Variants in ABCC9 observed in about 807,000 individuals in gnomAD.
ABCC9 encodes ATP-binding cassette sub-family C member 9.
Under a neutral mutation model 188.3 loss-of-function variants are expected in ABCC9, and 95 were observed. That is an observed-to-expected ratio of 0.50 (90% CI 0.43 to 0.60). The LOEUF (loss-of-function observed/expected upper bound fraction) is 0.60. Ranked by LOEUF, ABCC9 falls within the 20% of genes least tolerant of loss-of-function variation. The pLI is 0.00. For missense variants in ABCC9, 1,102 were observed against 1,876.3 expected, an observed-to-expected ratio of 0.59 and a Z score of 7.62; for synonymous variants, 659 against 652.7, an observed-to-expected ratio of 1.01 and a Z score of -0.15.
At chr12:21,922,936 C>T (rs1948889086) in intron 5 of ABCC9, 1 of 151,208 alleles carries the variant, frequency 6.6e-6, no homozygotes, top group South Asian at 2.1e-4. Context: ...TCTATGAATA[C>T]ATCAAAGAAA....
intron 5 of ABCC9, chr12:21,925,709 A>G (rs1027622097): frequency 3.2e-6 from 2 of 618,002 alleles, no homozygotes; most frequent in South Asian, 2.0e-5. Context: ...GAGAGCATTT[A>G]TTGCAGAAGA....
intron 31 of ABCC9, among the ~76,000 whole-genome samples, chr12:21,821,995 T>G (rs947107977): frequency 6.6e-6 from 1 of 152,122 alleles, no homozygotes; most frequent in Non-Finnish European, 1.5e-5. Flanking sequence ...ATGCTCAAAT[T>G]CATATATTAA....
At chr12:21,801,274 A>G (rs2137080887) in intron 39 of ABCC9, 93 bp from the exon 40 acceptor site, 3 of 1,538,652 alleles carry the variant, frequency 1.9e-6, no homozygotes, top group Non-Finnish European at 1.8e-6. Context: ...ATTCTGGGAC[A>G]TTTGTTTATC....
intron 39 of ABCC9, chr12:21,805,269 A>T (rs765973007): frequency 1.2e-6 from 2 of 1,614,076 alleles, no homozygotes; most frequent in Admixed American, 1.7e-5. Context: ...CCCTCAGAAA[A>T]GACTAAAACA....
chr12:21,903,304 C>A (rs1170346447), intron 12 of ABCC9, among the ~76,000 whole-genome samples: 1 of 152,130 alleles, frequency 6.6e-6, no homozygotes, highest in Non-Finnish European at 1.5e-5. Flanking sequence ...CTATTTATGA[C>A]AAACCCACAG....
intron 18 of ABCC9, among the ~76,000 whole-genome samples, chr12:21,869,333 C>A (rs180978696): frequency 2.0e-5 from 3 of 152,322 alleles, no homozygotes; most frequent in African/African-American, 7.2e-5. Flanking sequence ...TACCATGTTA[C>A]ATCAAACTAC....
chr12:21,844,379 C>G, intron 28 of ABCC9, 104 bp downstream of exon 28: 1 of 976,114 alleles, frequency 1.0e-6, no homozygotes, highest in Admixed American at 1.9e-5. Flanking sequence ...ATTTAAATTT[C>G]AGAAATCCTC....
intron 25 of ABCC9, 92 bp from the exon 26 acceptor site, chr12:21,845,924 ATTTATAAAAATGTAAGC>A (rs1219139343): frequency 1.0e-6 from 1 of 962,412 alleles, no homozygotes; most frequent in Non-Finnish European, 1.6e-6. Flanking sequence ...ACATTCATAC[ATTTATAAAAATGTAAGC>A]ATTAGTATTG....
At chr12:21,825,128 A>G (rs966332895) in intron 31 of ABCC9, among the ~76,000 whole-genome samples, 1 of 152,220 alleles carries the variant, frequency 6.6e-6, no homozygotes, top group Admixed American at 6.5e-5. Context: ...GCAATCATTA[A>G]AAAGTCAGGA....
rs1945017582 is a variant in ABCC9 at position 21,852,445 on chromosome 12, A to G, written c.2566T>C (p.Leu856=). The change falls in exon 23 of 40, where the codon TTG becomes CTG. Residue 856 remains leucine (L), a synonymous_variant. Coordinates refer to ENST00000261200, the MANE Select transcript of ABCC9 (RefSeq NM_020297.4). ...CTTTTGTCATCTTGCAGGAATTTCA[A>G]AATCCCCTCCTGCATTAAATGATCA... ...LSDHLMQEGI[L]KFLQDDKRTL... is the part of the protein sequence containing the mutation. 1.2e-6 allele frequency: 2 copies of G among 1,613,626 alleles called. No homozygotes were observed. Among genetic ancestry groups the G allele is most frequent in the African/African-American group, 1.3e-5 (1 of 74,922 alleles).
intron 39 of ABCC9, chr12:21,805,045 A>G: frequency 2.9e-6 from 4 of 1,369,808 alleles, no homozygotes; most frequent in Non-Finnish European, 4.1e-6. Flanking sequence ...TTTTGTAATA[A>G]CACCCTGCAG....
intron 20 of ABCC9, among the ~76,000 whole-genome samples, chr12:21,861,347 C>T (rs1473901906): frequency 6.6e-6 from 1 of 151,984 alleles, no homozygotes; most frequent in Admixed American, 6.6e-5. Flanking sequence ...TCTCCCGCCT[C>T]AGCCTCCTGA....
At chr12:21,901,341 G>A (rs534672665) in intron 12 of ABCC9, among the ~76,000 whole-genome samples, 3 of 152,030 alleles carry the variant, frequency 2.0e-5, no homozygotes, top group East Asian at 1.9e-4. Context: ...TACCAGCCAC[G>A]GCAAAAACAT....
intron 26 of ABCC9, 100 bp from the exon 27 acceptor site, chr12:21,845,015 A>C (rs1468382507): frequency 5.7e-6 from 8 of 1,411,490 alleles, no homozygotes; most frequent in Non-Finnish European, 6.9e-6. Context: ...TGTTTTCTTC[A>C]TTATTTTGCA....
chr12:21,815,097 G>A (rs113117014), intron 34 of ABCC9, among the ~76,000 whole-genome samples: 5,698 of 152,086 alleles, frequency 0.037, 373 homozygotes, highest in African/African-American at 0.13. Context: ...GTGGGAGGAT[G>A]GCTGGAGCCC....
chr12:21,801,227 C>A, intron 39 of ABCC9, 46 bp from the exon 40 acceptor site: 1 of 1,609,874 alleles, frequency 6.2e-7, no homozygotes, highest in South Asian at 1.1e-5. Flanking sequence ...TTTCAGGGCA[C>A]ACGCCAAAAC....
At chr12:21,891,249 G>A (rs1947147179) in intron 14 of ABCC9, among the ~76,000 whole-genome samples, 1 of 152,162 alleles carries the variant, frequency 6.6e-6, no homozygotes, top group South Asian at 2.1e-4. Flanking sequence ...GAGGCTTGGG[G>A]TAGAGATGAG....
At chr12:21,823,789 G>A (rs1020946937) in intron 31 of ABCC9, among the ~76,000 whole-genome samples, 1 of 152,252 alleles carries the variant, frequency 6.6e-6, no homozygotes, top group African/African-American at 2.4e-5. Context: ...TCAGAGGTTA[G>A]GCTGTAGTGA....
chr12:21,915,261 GTA>G (rs1375078159), intron 7 of ABCC9, among the ~76,000 whole-genome samples: 46 of 105,330 alleles, frequency 4.4e-4, no homozygotes, highest in African/African-American at 1.4e-3. Flanking sequence ...GTGTGTGTGT[GTA>G]TATAATGTGT....
Sources: allele counts gnomAD v4.1 joint callset (sites outside exome capture counted in the v4.1 genomes callset), GRCh38; gene constraint gnomAD v4.1.1; transcripts MANE v1.5; gene names NCBI Gene and HGNC (gene_info 2026-07-23, HGNC 2026-07-21).